The following NOL11 variants were observed in gnomAD, a reference collection of about 807,000 sequenced individuals.
NOL11 encodes the protein nucleolar protein 11.
NOL11 carries 42 observed loss-of-function variants against 93.0 expected under a neutral mutation model. The observed-to-expected ratio is 0.45, with a 90% CI of 0.35 to 0.58. The LOEUF (loss-of-function observed/expected upper bound fraction) is 0.58. Ranked by LOEUF, NOL11 falls within the 20% of genes least tolerant of loss-of-function variation. The probability of loss-of-function intolerance (pLI) is 0.00; values close to 1 mark genes in which losing one functional copy is unlikely to be tolerated. For missense variants in NOL11, 775 were observed against 841.8 expected, an observed-to-expected ratio of 0.92 and a Z score of 0.98; for synonymous variants, 296 against 293.7, an observed-to-expected ratio of 1.01 and a Z score of -0.08.
At chr17:67,718,374 C>A (rs1198478119) in intron 1 of NOL11, among the ~76,000 whole-genome samples, 1 of 152,146 alleles carries the variant, frequency 6.6e-6, no homozygotes, top group Non-Finnish European at 1.5e-5. Context: ...GCGGAATTGG[C>A]CTTGCTAAGA....
intron 10 of NOL11, 155 bp downstream of exon 10, chr17:67,736,909 T>C: frequency 1.4e-6 from 1 of 727,758 alleles, no homozygotes; most frequent in African/African-American, 1.8e-5. Flanking sequence ...TCACATTCTT[T>C]ATCCAGAAAT....
chr17:67,736,623 A>C (rs956727962), intron 9 of NOL11, 43 bp from the exon 10 acceptor site: 2 of 1,312,314 alleles, frequency 1.5e-6, no homozygotes, highest in Admixed American at 4.1e-5. Context: ...GGCAAAAAGT[A>C]AGTCAAAACA....
chr17:67,730,740 G>T (rs746440927), intron 7 of NOL11, among the ~76,000 whole-genome samples: 2 of 152,182 alleles, frequency 1.3e-5, no homozygotes, highest in South Asian at 4.1e-4. Context: ...TCACGTCAGG[G>T]TGAATGGGGT....
chr17:67,722,217 C>T (rs535046818), intron 4 of NOL11, among the ~76,000 whole-genome samples: 2 of 152,200 alleles, frequency 1.3e-5, no homozygotes, highest in South Asian at 4.1e-4. Context: ...TTCTCTATGC[C>T]TCAGCTTCCT....
chr17:67,722,555 ATTTTTCT>A lies in NOL11; in HGVS notation c.462-12_462-6del. On this transcript the variant is annotated intron_variant, in intron 4 of 17. Coordinates refer to ENST00000253247, the MANE Select transcript of NOL11 (RefSeq NM_015462.5). ...CAGCTGGTGATTTTTGCATCCTATA[ATTTTTCT>A]TTTTTCTTTTTTTGTAGATGGACAA... The A allele has an allele frequency of 4.5e-6, 7 of 1,561,798 alleles. No individual in the cohort carries two copies. Among genetic ancestry groups the A allele is most frequent in the East Asian group, 4.7e-5 (2 of 42,458 alleles).
chr17:67,738,295 C>T lies in NOL11; in HGVS notation c.1703C>T (p.Pro568Leu). ...TGTGATCAAGAGTTAAATAAAAAGCCCCAGGACGAAACAAAGGAGAGCACT... is the reference window on the plus strand; with the variant it reads ...TGTGATCAAGAGTTAAATAAAAAGCTCCAGGACGAAACAAAGGAGAGCACT... ...NNCDQELNKK[P>L]QDETKESTSC... Residue 568 changes from proline (P) to leucine (L), a missense_variant, in exon 14 of 18, where the codon CCC becomes CTC. Transcript: ENST00000253247. 4 of 1,613,794 alleles carry T rather than the reference C, an allele frequency of 2.5e-6. No homozygotes were observed. Among genetic ancestry groups the T allele is most frequent in the Non-Finnish European group, 3.4e-6 (4 of 1,179,924 alleles).
intron 7 of NOL11, among the ~76,000 whole-genome samples, chr17:67,729,724 G>A (rs1475960408): frequency 2.0e-5 from 3 of 151,360 alleles, no homozygotes; most frequent in Non-Finnish European, 4.4e-5. Flanking sequence ...GAATACAGGC[G>A]CCCACCACCA....
At chr17:67,718,720 C>T (rs570193040) in intron 1 of NOL11, among the ~76,000 whole-genome samples, 1 of 152,262 alleles carries the variant, frequency 6.6e-6, no homozygotes, top group African/African-American at 2.4e-5. Context: ...TTGGTGGTCG[C>T]ATAGAAAGCA....
chr17:67,719,985 A>G (rs2143075011), intron 3 of NOL11, 23 bp downstream of exon 3: 3 of 1,532,610 alleles, frequency 2.0e-6, no homozygotes, highest in Admixed American at 2.1e-5. Flanking sequence ...ATTTTCCAAC[A>G]TATTTGTTTA....
In NOL11 at chr17:67,743,521, G is replaced by A. The variant is rs374296971; in HGVS notation, c.1978G>A (p.Val660Ile). 2.3e-5 allele frequency: 37 copies of A among 1,601,096 alleles called. No individual in the cohort carries two copies. Among genetic ancestry groups the A allele is most frequent in the Non-Finnish European group, 3.0e-5 (35 of 1,170,678 alleles). ...ICLLLDANFT[V>I]VVMMPEAKRL... The stretch of plus-strand genomic sequence containing the variant: ...TCTACTTCTGGATGCAAATTTTACT[G>A]TTGTTGTAATGATGCCAGAAGCAAA... The change falls in exon 17 of 18, where the codon GTT becomes ATT. Residue 660 changes from valine (V) to isoleucine (I), a missense_variant. Around this residue, in one of 2 missense-constraint regions of NOL11, gnomAD observed 416 missense variants for 525.2 expected, o/e 0.79. Transcript: ENST00000253247.
intron 7 of NOL11, among the ~76,000 whole-genome samples, chr17:67,728,213 TCA>T (rs1382438610): frequency 1.3e-5 from 2 of 152,102 alleles, no homozygotes; most frequent in African/African-American, 4.8e-5. Flanking sequence ...TGAGCTGAGA[TCA>T]CACCACTGCA....
At chr17:67,720,940 G>A (rs1296028558) in intron 3 of NOL11, among the ~76,000 whole-genome samples, 1 of 152,178 alleles carries the variant, frequency 6.6e-6, no homozygotes, top group African/African-American at 2.4e-5. Flanking sequence ...ATTTTAAACA[G>A]TGGGGGTTTT....
rs753270178 is a variant in NOL11 at position 67,724,060 on chromosome 17, C to T, written c.531C>T (p.Tyr177=). ...LIFITEKHGN[Y]FAYVQMFNSR... is the part of the protein sequence containing the mutation. ...TTTTTTTTTTGCAGCATGGAAATTA[C>T]TTTGCTTACGTGCAAATGTTTAACT... The change falls in exon 6 of 18, where the codon TAC becomes TAT. Residue 177 remains tyrosine, a synonymous_variant. Coordinates refer to ENST00000253247, the MANE Select transcript of NOL11 (RefSeq NM_015462.5). 3.9e-6 allele frequency: 6 copies of T among 1,537,406 alleles called. No homozygotes were observed. The highest frequency in any genetic ancestry group is 4.4e-6 in the Non-Finnish European group (5 of 1,145,846).
At chr17:67,727,901 A>C (rs1403776829) in intron 7 of NOL11, among the ~76,000 whole-genome samples, 1 of 133,516 alleles carries the variant, frequency 7.5e-6, no homozygotes, top group Non-Finnish European at 1.5e-5. Flanking sequence ...CCTGGTCAAC[A>C]GAGTGAGACT....
chr17:67,729,733 C>A (rs1415168877), intron 7 of NOL11, among the ~76,000 whole-genome samples: 4 of 151,804 alleles, frequency 2.6e-5, no homozygotes, highest in Non-Finnish European at 5.9e-5. Flanking sequence ...CGCCCACCAC[C>A]ACGCCTGGCT....
In NOL11 at chr17:67,722,626, A is replaced by C. The variant is rs115566040; in HGVS notation, c.508A>C (p.Ile170Leu). The part of the protein sequence containing the change: ...VVFRHPVLIF[I>L]TEKHGNYFAY... Reference sequence around the variant, plus strand: ...ATTCAGACATCCTGTTTTAATTTTTATTACTGAAAAAGTAAGTGATATCTT... The same window carrying C: ...ATTCAGACATCCTGTTTTAATTTTTCTTACTGAAAAAGTAAGTGATATCTT... Residue 170 changes from isoleucine to leucine, a missense_variant, in exon 5 of 18, where the codon ATT becomes CTT. Transcript: ENST00000253247. The C allele has an allele frequency of 9.0e-4, 1,404 of 1,568,430 alleles. 16 individuals are homozygous for C. The African/African-American group carries it at 0.017, about 19-fold the overall frequency.
rs1449195240 is a variant in NOL11, at chr17:67,717,959, G to A, written c.12G>A (p.Leu4=). 2.5e-6 allele frequency: 4 copies of A among 1,614,194 alleles called. No individual in the cohort carries two copies. Among genetic ancestry groups the A allele is most frequent in the Middle Eastern group, 1.6e-4 (1 of 6,062 alleles). MAA[L]EEEFTLSSVV... ...TAGGTTTGCTCAAAATGGCAGCGCT[G>A]GAGGAAGAATTCACGTTGTCTTCGG... Residue 4 remains leucine (L), a synonymous_variant, in exon 1 of 18, where the codon CTG becomes CTA. Coordinates refer to ENST00000253247, the MANE Select transcript of NOL11 (RefSeq NM_015462.5).
At chr17:67,731,569 G>A (rs1599042513) in intron 7 of NOL11, among the ~76,000 whole-genome samples, 1 of 152,092 alleles carries the variant, frequency 6.6e-6, no homozygotes, top group African/African-American at 2.4e-5. Context: ...TTCTTTCGTT[G>A]CTTGTGCTTT....
chr17:67,717,982 C>A lies in NOL11; in HGVS notation c.35C>A (p.Ser12Ter). 1 of 1,614,186 alleles carries A rather than the reference C, an allele frequency of 6.2e-7. No individual in the cohort carries two copies. Among genetic ancestry groups the A allele is most frequent in the East Asian group, 2.2e-5 (1 of 44,884 alleles). The change falls in exon 1 of 18, where the codon TCG (serine) becomes TAG (stop). Residue 12 changes from serine to a stop codon, truncating the protein, a stop_gained. Transcript: ENST00000253247. LOFTEE classifies it high-confidence loss of function. ...AALEEEFTLS[S>*]VVLSAGPEGL... Reference sequence around the variant, plus strand: ...CTGGAGGAAGAATTCACGTTGTCTTCGGTAGTCCTGAGCGCCGGGCCTGAA... The same window carrying A: ...CTGGAGGAAGAATTCACGTTGTCTTAGGTAGTCCTGAGCGCCGGGCCTGAA...
Sources: gnomAD v4.1 joint callset for allele counts (sites outside exome capture counted in the v4.1 genomes callset) on GRCh38, gnomAD v4.1.1 for gene constraint, gnomAD v4.1.1 regional missense constraint, MANE v1.5 for transcripts, NCBI Gene and HGNC (gene_info 2026-07-23, HGNC 2026-07-21) for gene names.